Variants in CCZ1 observed in about 807,000 individuals in gnomAD.
CCZ1 encodes CCZ1 vacuolar protein trafficking and biogenesis associated, also known as vacuolar fusion protein CCZ1 homolog.
Under a neutral mutation model 57.8 loss-of-function variants are expected in CCZ1, and 19 were observed. The ratio of observed to expected loss-of-function variants is 0.33; its 90% CI spans 0.23 to 0.48. CCZ1 has a LOEUF of 0.48. CCZ1 is among the 20% of genes least tolerant of loss of function. CCZ1 has a pLI of 0.99. For synonymous variants in CCZ1, 81 were observed against 167.0 expected (o/e 0.49, Z 3.97); for missense variants, 200 against 492.0 (o/e 0.41, Z 5.61).
chr7:5,909,712 A>G (rs1206144315), intron 7 of CCZ1, among the ~76,000 whole-genome samples: 1 of 146,016 alleles, frequency 6.8e-6, no homozygotes, highest in East Asian at 2.2e-4. Flanking sequence ...AAAAAAAGAA[A>G]AAAAAATTTT....
At chr7:5,913,012 T>C in intron 10 of CCZ1, 58 bp downstream of exon 10, 1 of 1,602,564 alleles carries the variant, frequency 6.2e-7, no homozygotes, top group South Asian at 1.1e-5. Context: ...CTTTCTTGCA[T>C]GTGTACACGA....
At chr7:5,901,545 A>C (rs1445825683) in intron 4 of CCZ1, 112 bp from the exon 5 acceptor site, 2 of 1,441,672 alleles carry the variant, frequency 1.4e-6, no homozygotes, top group Non-Finnish European at 1.8e-6. Flanking sequence ...TGTGGGACAA[A>C]GTTTATAAAC....
intron 14 of CCZ1, among the ~76,000 whole-genome samples, chr7:5,924,208 A>G (rs867275082): frequency 1.6e-4 from 9 of 57,120 alleles, no homozygotes; most frequent in South Asian, 1.2e-3. Context: ...AAAAAAAAAA[A>G]TGACTTTATA....
intron 8 of CCZ1, among the ~76,000 whole-genome samples, chr7:5,910,543 G>C (rs1379715790): frequency 6.9e-6 from 1 of 145,860 alleles, no homozygotes; most frequent in Non-Finnish European, 1.5e-5. Context: ...GGCCAGGCTG[G>C]TCTCGAACTC....
intron 14 of CCZ1, among the ~76,000 whole-genome samples, chr7:5,925,182 A>AT (rs541491683): frequency 0.071 from 2,096 of 29,664 alleles, 13 homozygotes; most frequent in Middle Eastern, 0.11. Context: ...TTGTAGGTGG[A>AT]TTTTTTCCCC....
chr7:5,911,260 C>T lies in CCZ1; in HGVS notation c.781-601C>T, dbSNP rs1218724586. Among the ~76,000 whole-genome samples the T allele has an allele frequency of 2.0e-5, 3 of 148,722 alleles. 1 individual carries two copies. The highest frequency in any genetic ancestry group is 4.4e-4 in the East Asian group (2 of 4,556). Reference sequence around the variant, plus strand: ...TCCCCAAAGTATTTTCAGAGCTTAACATACAAAAATCATTTTGGCTCAGTT... The same window carrying T: ...TCCCCAAAGTATTTTCAGAGCTTAATATACAAAAATCATTTTGGCTCAGTT... On this transcript the variant is annotated intron_variant, in intron 8 of 14. Transcript: ENST00000325974.
chr7:5,924,180 T>A (rs1283311849), intron 14 of CCZ1, among the ~76,000 whole-genome samples: 7 of 70,056 alleles, frequency 1.0e-4, no homozygotes, highest in African/African-American at 3.5e-4. Context: ...AGAAAATTAT[T>A]TTCTACAATT....
In CCZ1 at chr7:5,920,910, G is replaced by A. The variant is rs1211094852; in HGVS notation, c.1106+944G>A. 9.2e-5 allele frequency among the ~76,000 whole-genome samples: 11 copies of A among 120,210 alleles called. 2 individuals are homozygous for A. The highest frequency in any genetic ancestry group is 2.0e-4 in the Non-Finnish European group (11 of 56,058). The allele number at this position is 120,210 out of a possible 152,430, so 78.9% of individuals were successfully genotyped here. A position where few individuals can be genotyped will look rare whatever the true frequency, so the allele number is the denominator to read the frequency against. On this transcript the variant is annotated intron_variant, in intron 12 of 14. Transcript: ENST00000325974. ...AGTTACTAAAAGGCTGTGAATTTCTGCATACGCTCATGGTCTTAATGTTCA... is the reference window on the plus strand; with the variant it reads ...AGTTACTAAAAGGCTGTGAATTTCTACATACGCTCATGGTCTTAATGTTCA...
In CCZ1 at chr7:5,911,087, C is replaced by G. The variant is rs184127365; in HGVS notation, c.781-774C>G. Among the ~76,000 whole-genome samples, 112 of 148,934 alleles carry G rather than the reference C, an allele frequency of 7.5e-4. 6 individuals are homozygous for G. Among genetic ancestry groups the G allele is most frequent in the African/African-American group, 2.6e-3 (103 of 40,314 alleles). On this transcript the variant is annotated intron_variant, in intron 8 of 14. Coordinates refer to ENST00000325974, the MANE Select transcript of CCZ1 (RefSeq NM_015622.6). ...TAGGAACCTTTAAAATGCCAGTGAT[C>G]TTTAAAACAATCGACTTGTGTAGTC...
chr7:5,909,106 CTTTT>C (rs10645268), intron 7 of CCZ1, among the ~76,000 whole-genome samples: 1 of 140,558 alleles, frequency 7.1e-6, no homozygotes, highest in African/African-American at 2.7e-5. Context: ...TCCCTTGTGA[CTTTT>C]TTTTTTTTTT....
intron 11 of CCZ1, 25 bp from the exon 12 acceptor site, chr7:5,919,824 G>A (rs1479056701): frequency 1.2e-6 from 2 of 1,612,042 alleles, no homozygotes; most frequent in South Asian, 1.1e-5. Context: ...GAATCTTACT[G>A]GTATTTTTTG....
intron 7 of CCZ1, among the ~76,000 whole-genome samples, chr7:5,906,523 A>T (rs116134951): frequency 6.8e-6 from 1 of 147,786 alleles, no homozygotes; most frequent in African/African-American, 2.5e-5. Flanking sequence ...AGGTTTTACC[A>T]TGTTGGCCAG....
chr7:5,910,142 C>T (rs745639760), intron 8 of CCZ1, 26 bp downstream of exon 8: 2 of 1,576,096 alleles, frequency 1.3e-6, no homozygotes, highest in Admixed American at 1.7e-5. Flanking sequence ...TAGCTGCGCA[C>T]AATTACATGC....
intron 10 of CCZ1, among the ~76,000 whole-genome samples, chr7:5,916,695 T>C (rs1290867600): frequency 6.8e-6 from 1 of 147,638 alleles, no homozygotes; most frequent in African/African-American, 2.7e-5. Flanking sequence ...AGAGATTTGA[T>C]TGGGGGTTGG....
chr7:5,900,141 A>G, intron 1 of CCZ1, 143 bp from the exon 2 acceptor site: 1 of 1,046,068 alleles, frequency 9.6e-7, no homozygotes, highest in Non-Finnish European at 1.3e-6. Flanking sequence ...TAGGATTACA[A>G]TTCCTGTTTT....
At chr7:5,906,592 C>T (rs1297254625) in intron 7 of CCZ1, among the ~76,000 whole-genome samples, 3 of 148,438 alleles carry the variant, frequency 2.0e-5, no homozygotes, top group Admixed American at 6.7e-5. Context: ...CAAGGTGCCT[C>T]GATTACAGGT....
chr7:5,909,520 G>A (rs576531153), intron 7 of CCZ1, among the ~76,000 whole-genome samples: 1 of 147,666 alleles, frequency 6.8e-6, no homozygotes, highest in South Asian at 2.2e-4. Context: ...TGGCAACGTA[G>A]CAAGACCCCC....
At chr7:5,900,702 A>G in intron 3 of CCZ1, 136 bp downstream of exon 3, 1 of 1,436,750 alleles carries the variant, frequency 7.0e-7, no homozygotes, top group Non-Finnish European at 9.3e-7. Flanking sequence ...CAATTTTAAA[A>G]TCAAGTTCTT....
At chr7:5,912,271 G>T (rs1158253586) in intron 9 of CCZ1, among the ~76,000 whole-genome samples, 3 of 133,512 alleles carry the variant, frequency 2.2e-5, no homozygotes, top group African/African-American at 8.6e-5. Context: ...TATCTTTTTG[G>T]TAAAGATAAT....
Sources: gnomAD v4.1 joint callset for allele counts (sites outside exome capture counted in the v4.1 genomes callset) on GRCh38, gnomAD v4.1.1 for gene constraint, MANE v1.5 for transcripts, NCBI Gene and HGNC (gene_info 2026-07-23, HGNC 2026-07-21) for gene names.